Variants in LOC400499 observed in about 807,000 individuals in gnomAD.
the LOC400499 span, among the ~76,000 whole-genome samples, chr16:11,373,017 G>C: frequency 6.6e-6 from 1 of 152,232 alleles, no homozygotes; most frequent in Admixed American, 6.5e-5. Flanking sequence ...TGCTCACTCT[G>C]TGTCAGGTTC....
the LOC400499 span, among the ~76,000 whole-genome samples, chr16:11,493,417 C>G: frequency 1.3e-5 from 2 of 152,154 alleles, no homozygotes; most frequent in African/African-American, 2.4e-5. Context: ...CTAGAGGGGG[C>G]ACAGATGGCA....
chr16:11,462,542 G>A, the LOC400499 span: 2 of 546,688 alleles, frequency 3.7e-6, no homozygotes, highest in Non-Finnish European at 4.7e-6. Context: ...TGATTCTCCT[G>A]CCTCAGCCTC....
At chr16:11,404,638 C>T in the LOC400499 span, 47 of 398,780 alleles carry the variant, frequency 1.2e-4, no homozygotes, top group Non-Finnish European at 1.6e-4. Flanking sequence ...TGAGCCACCG[C>T]GCCTGGCCAG....
At chr16:11,409,107 A>G in the LOC400499 span, among the ~76,000 whole-genome samples, 4 of 151,854 alleles carry the variant, frequency 2.6e-5, no homozygotes, top group African/African-American at 9.7e-5. Flanking sequence ...CCAAAAATAC[A>G]AAAATTAGCC....
the LOC400499 span, chr16:11,385,131 A>G: frequency 2.4e-6 from 3 of 1,231,270 alleles, no homozygotes; most frequent in Non-Finnish European, 3.0e-6. Flanking sequence ...TGAAAGTGCC[A>G]TCCCCCCAGG....
At chr16:11,460,836 G>C in the LOC400499 span, 3 of 1,304,474 alleles carry the variant, frequency 2.3e-6, no homozygotes, top group Non-Finnish European at 3.1e-6. Flanking sequence ...CCTACTCAGA[G>C]CCAACAGAAT....
the LOC400499 span, among the ~76,000 whole-genome samples, chr16:11,428,587 C>T: frequency 2.6e-5 from 4 of 152,266 alleles, no homozygotes; most frequent in East Asian, 5.8e-4. Flanking sequence ...AGGACGCTCT[C>T]GTCACCATCT....
At chr16:11,489,788 G>A in the LOC400499 span, among the ~76,000 whole-genome samples, 4 of 152,256 alleles carry the variant, frequency 2.6e-5, no homozygotes, top group South Asian at 8.3e-4. Context: ...TTCCAATAGT[G>A]CCATCTCTTC....
chr16:11,431,300 G>A, the LOC400499 span: 1 of 398,594 alleles, frequency 2.5e-6, no homozygotes, highest in East Asian at 3.6e-5. Context: ...CAACCCCAAT[G>A]CTGCTGCTCA....
the LOC400499 span, chr16:11,491,655 C>T: frequency 2.7e-6 from 1 of 366,024 alleles, no homozygotes. Flanking sequence ...GCCCTCCCAG[C>T]CCCACCCCTG....
the LOC400499 span, among the ~76,000 whole-genome samples, chr16:11,484,038 C>T: frequency 1.1e-4 from 12 of 113,708 alleles, no homozygotes; most frequent in Admixed American, 9.9e-4. Context: ...GACAGACTCT[C>T]GCTCTGTCGC....
the LOC400499 span, among the ~76,000 whole-genome samples, chr16:11,441,869 A>T: frequency 6.6e-6 from 1 of 152,196 alleles, no homozygotes; most frequent in African/African-American, 2.4e-5. Context: ...GCCACGTGAG[A>T]TCCATTTTGG....
At chr16:11,376,478 A>G in the LOC400499 span, among the ~76,000 whole-genome samples, 1 of 152,200 alleles carries the variant, frequency 6.6e-6, no homozygotes, top group East Asian at 1.9e-4. Flanking sequence ...TAGTCTTGGC[A>G]TCCTTATTGA....
chr16:11,396,428 T>TG, the LOC400499 span: 7 of 1,198,034 alleles, frequency 5.8e-6, no homozygotes, highest in Non-Finnish European at 7.3e-6. Flanking sequence ...CCCAGGCAGT[T>TG]GGGGGCCTGC....
the LOC400499 span, chr16:11,398,510 C>G: frequency 2.4e-6 from 3 of 1,232,218 alleles, no homozygotes; most frequent in Non-Finnish European, 3.0e-6. Flanking sequence ...GCCAATGCCT[C>G]TGGAATGAGA....
chr16:11,385,375 C>A, the LOC400499 span: 1 of 1,232,282 alleles, frequency 8.1e-7, no homozygotes, highest in Non-Finnish European at 1.0e-6. Context: ...ACCCGGCCGT[C>A]GAAGGTCACC....
chr16:11,436,041 G>T, the LOC400499 span, among the ~76,000 whole-genome samples: 2 of 152,192 alleles, frequency 1.3e-5, no homozygotes, highest in African/African-American at 4.8e-5. Flanking sequence ...GACAGAGGGA[G>T]GAATGGGGGA....
chr16:11,482,249 C>T, the LOC400499 span, among the ~76,000 whole-genome samples: 3 of 152,076 alleles, frequency 2.0e-5, no homozygotes, highest in Non-Finnish European at 4.4e-5. Flanking sequence ...GGCTGTGGTG[C>T]AAGGAGGGGG....
At chr16:11,434,081 G>A in the LOC400499 span, among the ~76,000 whole-genome samples, 1 of 152,156 alleles carries the variant, frequency 6.6e-6, no homozygotes, top group African/African-American at 2.4e-5. Context: ...ATAGGAACCT[G>A]AGTGAGGGGG....
Sources: gnomAD v4.1 joint callset for allele counts (sites outside exome capture counted in the v4.1 genomes callset) on GRCh38, gnomAD v4.1.1 for gene constraint, MANE v1.5 for transcripts.